Variants in PCNX2 observed in about 807,000 individuals in gnomAD.
PCNX2 encodes the protein pecanex-like protein 2.
Under a neutral mutation model 223.8 loss-of-function variants are expected in PCNX2, and 168 were observed. The observed-to-expected ratio is 0.75, with a 90% CI of 0.66 to 0.85. PCNX2 has a LOEUF of 0.85. Among genes scored for constraint, PCNX2 ranks in the 40% least tolerant of loss-of-function variants. The pLI is 0.00. For missense variants in PCNX2, 2,507 were observed against 2,675.5 expected, an observed-to-expected ratio of 0.94 and a Z score of 1.39; for synonymous variants, 1,006 against 1,052.6, an observed-to-expected ratio of 0.96 and a Z score of 0.86.
chr1:233,127,307 A>C (rs911660188), intron 21 of PCNX2, among the ~76,000 whole-genome samples: 2 of 151,862 alleles, frequency 1.3e-5, no homozygotes, highest in South Asian at 4.2e-4. Context: ...CCAGGTTTTC[A>C]CACTTCCCAA....
chr1:233,031,034 G>A (rs1671245379), intron 25 of PCNX2, among the ~76,000 whole-genome samples: 9 of 152,148 alleles, frequency 5.9e-5, no homozygotes, highest in Admixed American at 5.9e-4. Flanking sequence ...TTCCTATACT[G>A]TAAACAAGAA....
chr1:233,066,257 A>C (rs1254203573), intron 23 of PCNX2, among the ~76,000 whole-genome samples: 1 of 152,210 alleles, frequency 6.6e-6, no homozygotes, highest in Non-Finnish European at 1.5e-5. Context: ...ACTGTCACAC[A>C]TCTCTGACCA....
chr1:233,275,605 C>G (rs1389656217), intron 1 of PCNX2, among the ~76,000 whole-genome samples: 7 of 152,158 alleles, frequency 4.6e-5, no homozygotes, highest in Admixed American at 3.9e-4. Flanking sequence ...CAGTGTGGGA[C>G]TTCTTCAAAA....
intron 31 of PCNX2, 137 bp downstream of exon 31, chr1:232,998,968 C>T (rs1050229453): frequency 2.1e-6 from 2 of 951,214 alleles, no homozygotes; most frequent in African/African-American, 1.7e-5. Context: ...CTGTTCGATG[C>T]CACTTGGGGG....
rs545801871 is a variant in PCNX2 at position 232,991,397 on chromosome 1, C to T, written c.5792-4857G>A. ...GAGGGCTGAGAGAAGGGAGAGAAGG[C>T]GTGAGAGAGAGAGCAGACCAGATGG... On this transcript the variant is annotated intron_variant, in intron 32 of 33. Coordinates refer to ENST00000258229, the MANE Select transcript of PCNX2 (RefSeq NM_014801.4). The surrounding 1 kb of genome is among the most constrained non-coding windows in gnomAD (Gnocchi z 4.3). 5.2e-4 allele frequency among the ~76,000 whole-genome samples: 79 copies of T among 151,984 alleles called. No individual in the cohort carries two copies. The highest frequency in any genetic ancestry group is 1.7e-3 in the African/African-American group (70 of 41,424).
chr1:233,168,588 C>T lies in PCNX2; in HGVS notation c.3274-7225G>A, dbSNP rs541762109. On this transcript the variant is annotated intron_variant, in intron 17 of 33. Coordinates refer to ENST00000258229, the MANE Select transcript of PCNX2 (RefSeq NM_014801.4). ...TAATTTAGTGAATGAAATTGAACGA[C>T]TCATAGTGCAAACATCCCTTGACTG... is the stretch of plus-strand genomic sequence containing the variant. 1.1e-4 allele frequency among the ~76,000 whole-genome samples: 17 copies of T among 152,178 alleles called. No individual in the cohort carries two copies. In the East Asian group the frequency reaches 3.3e-3, roughly 29 times the overall value.
intron 21 of PCNX2, among the ~76,000 whole-genome samples, chr1:233,114,042 C>T (rs1259669777): frequency 6.6e-6 from 1 of 152,096 alleles, no homozygotes; most frequent in African/African-American, 2.4e-5. Flanking sequence ...CTTCAAGGAA[C>T]TTAATAATAG....
intron 26 of PCNX2, among the ~76,000 whole-genome samples, chr1:233,020,419 G>A (rs934658505): frequency 3.9e-5 from 6 of 152,212 alleles, no homozygotes; most frequent in African/African-American, 1.2e-4. Flanking sequence ...AACATAAATC[G>A]GGGCAGTGAC....
chr1:233,141,301 A>G lies in PCNX2; in HGVS notation c.3518-1446T>C, dbSNP rs533190116. ...GAAACTATTTTACTTTCTACTTGAT[A>G]TGGCTCATATTTCTATATAAGAATA... On this transcript the variant is annotated intron_variant, in intron 19 of 33. Transcript: ENST00000258229. Among the ~76,000 whole-genome samples the G allele has an allele frequency of 3.3e-5, 5 of 152,366 alleles. No individual in the cohort carries two copies. In the South Asian group the frequency reaches 6.2e-4, roughly 19 times the overall value.
chr1:233,324,066 G>A, the PCNX2 span, among the ~76,000 whole-genome samples: 2 of 152,234 alleles, frequency 1.3e-5, no homozygotes, highest in Non-Finnish European at 2.9e-5. Flanking sequence ...CTGGATAAAA[G>A]ATCAAGCCAG....
the PCNX2 span, among the ~76,000 whole-genome samples, chr1:233,302,660 A>ATATATAT: frequency 6.6e-6 from 1 of 151,044 alleles, no homozygotes. Context: ...ATATATATAT[A>ATATATAT]CAGTTAAATC....
At chr1:233,236,744 A>G (rs951407355) in intron 9 of PCNX2, 101 bp downstream of exon 9, 1 of 1,501,282 alleles carries the variant, frequency 6.7e-7, no homozygotes, top group Non-Finnish European at 9.0e-7. Flanking sequence ...AAATTCAGGG[A>G]AAGAGCTGAC....
At chr1:233,255,726 G>C (rs1459487219) in intron 5 of PCNX2, among the ~76,000 whole-genome samples, 1 of 152,148 alleles carries the variant, frequency 6.6e-6, no homozygotes, top group Non-Finnish European at 1.5e-5. Flanking sequence ...TCTTTTTCTA[G>C]TCAGGTCCAA....
Position 233,001,517 on chromosome 1 carries a change from TAAATA to T in PCNX2, c.5097+15_5097+19del, listed in dbSNP as rs1558154040. 4.8e-6 allele frequency: 6 copies of T among 1,240,490 alleles called. No homozygotes were observed. The African/African-American group carries it at 8.0e-5, about 17-fold the overall frequency. The allele number at this position is 1,240,490 out of a possible 1,614,324, so 76.8% of individuals were successfully genotyped here. ...ATAAATAAATAAATAAATAAATAAA[TAAATA>T]AAATAGGTTTTTACCTGGTGAAGTT... On this transcript the variant is annotated intron_variant, in intron 29 of 33. Transcript: ENST00000258229. The surrounding 1 kb of genome is among the most constrained non-coding windows in gnomAD (Gnocchi z 4.2).
intron 13 of PCNX2, among the ~76,000 whole-genome samples, chr1:233,200,761 C>T (rs1233749803): frequency 6.6e-6 from 1 of 151,874 alleles, no homozygotes; most frequent in African/African-American, 2.4e-5. Context: ...GTGGCTCACA[C>T]CTGTAATTCC....
intron 5 of PCNX2, 118 bp downstream of exon 5, chr1:233,257,910 C>A: frequency 7.4e-7 from 1 of 1,352,302 alleles, no homozygotes; most frequent in Non-Finnish European, 9.8e-7. Context: ...AGCCAAGCAA[C>A]AAACGATTGC....
At chr1:233,130,029 C>T (rs2102755158) in intron 21 of PCNX2, among the ~76,000 whole-genome samples, 1 of 152,266 alleles carries the variant, frequency 6.6e-6, no homozygotes, top group Admixed American at 6.5e-5. Context: ...CTCCTGAGGC[C>T]AGCCAGACCA....
At position 233,179,143 on chromosome 1, in the gene PCNX2, C is replaced by T. The variant is rs184863099; in HGVS notation, c.3099G>A (p.Leu1033=). ...EPWSMQHIPA[L]FSAFCGLLVA... is the part of the protein sequence containing the mutation. ...CCAAGAGGCCACAGAAGGCCGAAAA[C>T]AGTGCCGGGATGTGTTGCATGCTCC... Residue 1033 remains leucine (L), a synonymous_variant, in exon 16 of 34, where the codon CTG becomes CTA. Coordinates refer to ENST00000258229, the MANE Select transcript of PCNX2 (RefSeq NM_014801.4). The T allele has an allele frequency of 6.8e-6, 11 of 1,613,912 alleles. No individual in the cohort carries two copies. The highest frequency in any genetic ancestry group is 9.3e-6 in the Non-Finnish European group (11 of 1,179,836).
intron 4 of PCNX2, 32 bp from the exon 5 acceptor site, chr1:233,259,376 C>G (rs1659927612): frequency 6.4e-7 from 1 of 1,558,510 alleles, no homozygotes; most frequent in East Asian, 2.3e-5. Flanking sequence ...TTATTAGCAT[C>G]AGAAATGAAT....
Sources: gnomAD v4.1 joint callset for allele counts (sites outside exome capture counted in the v4.1 genomes callset) on GRCh38, gnomAD v4.1.1 for gene constraint, Gnocchi (gnomAD v3.1) non-coding constraint, MANE v1.5 for transcripts, NCBI Gene and HGNC (gene_info 2026-07-23, HGNC 2026-07-21) for gene names.